Variants in YARS2 observed in about 807,000 individuals in gnomAD.
YARS2 encodes the protein tyrosine--tRNA ligase, mitochondrial.
In YARS2, 38 loss-of-function variants were observed where a neutral mutation model predicts 45.0. The ratio of observed to expected loss-of-function variants is 0.84; its 90% CI spans 0.65 to 1.11. The LOEUF is 1.11. YARS2 is among the 50% of genes least tolerant of loss of function. The pLI is 0.00. For synonymous variants in YARS2, 287 were observed against 245.1 expected, an observed-to-expected ratio of 1.17 and a Z score of -1.60; for missense variants, 602 against 599.8, an observed-to-expected ratio of 1.00 and a Z score of -0.04.
In YARS2 at chr12:32,755,242, G is replaced by A. The variant is rs769652679; in HGVS notation, c.633C>T (p.Pro211=). The change falls in exon 1 of 5, where the codon CCC becomes CCT. Residue 211 remains proline, a synonymous_variant. Transcript: ENST00000324868. ...RQSVQLRLKS[P]EGMSLAEFFY... ...AGAACTCGGCCAAGCTCATGCCCTC[G>A]GGGCTCTTGAGCCGCAGCTGCACGC... 3.8e-5 allele frequency: 62 copies of A among 1,614,032 alleles called. No individual in the cohort carries two copies. The highest frequency in any genetic ancestry group is 5.2e-5 in the Non-Finnish European group (61 of 1,180,038).
Position 32,755,079 on chromosome 12 carries a change from G to T in YARS2, c.779+17C>A. 2 of 1,614,028 alleles carry T rather than the reference G, an allele frequency of 1.2e-6. No homozygotes were observed. Among genetic ancestry groups the T allele is most frequent in the Non-Finnish European group, 1.7e-6 (2 of 1,179,988 alleles). ...TTATTTGGTCCCAGGATTTCCCCAA[G>T]GTTTAAAGGCACTTACTTGTTGATG... On this transcript the variant is annotated intron_variant, in intron 1 of 4. Coordinates refer to ENST00000324868, the MANE Select transcript of YARS2 (RefSeq NM_001040436.3).
At chr12:32,747,929 T>A (rs955199236) in intron 4 of YARS2, among the ~76,000 whole-genome samples, 3 of 152,008 alleles carry the variant, frequency 2.0e-5, no homozygotes, top group African/African-American at 7.3e-5. Context: ...GCACACTGGG[T>A]AGGTGAGGGC....
intron 2 of YARS2, 67 bp downstream of exon 2, chr12:32,753,851 T>C (rs1955793746): frequency 6.3e-7 from 1 of 1,594,618 alleles, no homozygotes; most frequent in Non-Finnish European, 8.6e-7. Context: ...GTACATAGAT[T>C]CAATGGCTAA....
chr12:32,750,735 A>G lies in YARS2; in HGVS notation c.1087T>C (p.Leu363=). 1.9e-6 allele frequency: 3 copies of G among 1,613,994 alleles called. No individual in the cohort carries two copies. Among genetic ancestry groups the G allele is most frequent in the South Asian group, 1.1e-5 (1 of 91,084 alleles). ...VTKLVHGREG[L]DSAKRCTQAL... is the part of the protein sequence containing the mutation. The stretch of plus-strand genomic sequence containing the variant: ...AACTACTACCTTTTAGCAGAATCCA[A>G]TCCTTCTCGTCCATGAACAAGCTTT... The change falls in exon 3 of 5, where the codon TTG becomes CTG. Residue 363 remains leucine (L), a synonymous_variant. Transcript: ENST00000324868.
chr12:32,753,455 A>T (rs1003593448), intron 2 of YARS2, among the ~76,000 whole-genome samples: 1 of 152,144 alleles, frequency 6.6e-6, no homozygotes, highest in Non-Finnish European at 1.5e-5. Context: ...GCATCAAAAT[A>T]TTTTTTTCAC....
At chr12:32,755,068 G>A in intron 1 of YARS2, 28 bp downstream of exon 1, 2 of 1,613,994 alleles carry the variant, frequency 1.2e-6, no homozygotes, top group Non-Finnish European at 1.7e-6. Flanking sequence ...TTGGTCCCAG[G>A]ATTTCCCCAA....
chr12:32,747,155 G>C lies in YARS2; in HGVS notation c.*49C>G, dbSNP rs1342148409. The C allele has an allele frequency of 5.6e-6, 9 of 1,601,018 alleles. No homozygotes were observed. The highest frequency in any genetic ancestry group is 7.7e-6 in the Non-Finnish European group (9 of 1,171,298). On this transcript the variant is annotated 3_prime_UTR_variant, in exon 5 of 5. Coordinates refer to ENST00000324868, the MANE Select transcript of YARS2 (RefSeq NM_001040436.3). ...CTGGAGCCAACCCTTCAGAGGTCTT[G>C]AGAATGAATGATGGGTAAGTTTATT... is the stretch of plus-strand genomic sequence containing the variant.
intron 2 of YARS2, among the ~76,000 whole-genome samples, chr12:32,753,345 G>A (rs1303687994): frequency 6.6e-6 from 1 of 152,114 alleles, no homozygotes; most frequent in East Asian, 1.9e-4. Context: ...ATTTATGTAG[G>A]TCTTTATTTT....
chr12:32,752,588 C>CTACAAAAA (rs1008198036), intron 2 of YARS2, among the ~76,000 whole-genome samples: 1 of 151,584 alleles, frequency 6.6e-6, no homozygotes, highest in Non-Finnish European at 1.5e-5. Flanking sequence ...AACCCTGCCT[C>CTACAAAAA]TACAAAAATA....
At position 32,750,438 on chromosome 12, in the gene YARS2, T is replaced by TG. The variant is rs1955720216; in HGVS notation, c.1103+280dup. Among the ~76,000 whole-genome samples the TG allele has an allele frequency of 2.0e-5, 3 of 152,174 alleles. No individual in the cohort carries two copies. In the South Asian group the frequency reaches 6.2e-4, roughly 31 times the overall value. On this transcript the variant is annotated intron_variant, in intron 3 of 4. Transcript: ENST00000324868. ...GGCTGGTCTCGAACTCCTGACCTCGTGATCAGCCCACCTTGGCCTCCCAAA... is the reference window on the plus strand; with the variant it reads ...GGCTGGTCTCGAACTCCTGACCTCGTGGATCAGCCCACCTTGGCCTCCCAAA...
rs764839309 is a variant in YARS2 at position 32,750,743 on chromosome 12, C to T, written c.1079G>A (p.Arg360Gln). 6 of 1,613,994 alleles carry T rather than the reference C, an allele frequency of 3.7e-6. No homozygotes were observed. Among genetic ancestry groups the T allele is most frequent in the Admixed American group, 1.7e-5 (1 of 60,012 alleles). ...CCTTTTAGCAGAATCCAATCCTTCT[C>T]GTCCATGAACAAGCTTTGTTACTTC... ...AAEVTKLVHG[R>Q]EGLDSAKRCT... Residue 360 changes from arginine (R) to glutamine (Q), a missense_variant, in exon 3 of 5, where the codon CGA becomes CAA. Physicochemically the swap from Arg to Gln is conservative, Grantham distance 43. Coordinates refer to ENST00000324868, the MANE Select transcript of YARS2 (RefSeq NM_001040436.3).
rs774306018 is a variant in YARS2 at position 32,755,217 on chromosome 12, A to T, written c.658T>A (p.Phe220Ile). The T allele has an allele frequency of 6.2e-7, 1 of 1,614,188 alleles. No individual in the cohort carries two copies. Among genetic ancestry groups the T allele is most frequent in the South Asian group, 1.1e-5 (1 of 91,086 alleles). The change falls in exon 1 of 5, where the codon TTT becomes ATT. Residue 220 changes from phenylalanine (F) to isoleucine (I), a missense_variant. Phe to Ile is a conservative substitution (Grantham distance 21). Coordinates refer to ENST00000324868, the MANE Select transcript of YARS2 (RefSeq NM_001040436.3). ...TCATAGGCCTGGAGCACCTGGTAAAAGAACTCGGCCAAGCTCATGCCCTCG... is the reference window on the plus strand; with the variant it reads ...TCATAGGCCTGGAGCACCTGGTAAATGAACTCGGCCAAGCTCATGCCCTCG... ...SPEGMSLAEF[F>I]YQVLQAYDFY... is the part of the protein sequence containing the mutation.
chr12:32,752,740 CAAA>C (rs56907654), intron 2 of YARS2: 3,498 of 193,356 alleles, frequency 0.018, no homozygotes, highest in East Asian at 0.032. Flanking sequence ...GACACTGCCT[CAAA>C]AAAAAAAAAA....
In YARS2 at chr12:32,755,130, C is replaced by T. The variant is rs1955823267; in HGVS notation, c.745G>A (p.Gly249Ser). The T allele has an allele frequency of 1.2e-6, 2 of 1,614,160 alleles. No homozygotes were observed. Among genetic ancestry groups the T allele is most frequent in the Non-Finnish European group, 1.7e-6 (2 of 1,180,028 alleles). Residue 249 changes from glycine (G) to serine (S), a missense_variant, in exon 1 of 5, where the codon GGC becomes AGC. By Grantham distance (56) the Gly-to-Ser change is moderately conservative. Transcript: ENST00000324868. ...AACTCATATCCGGACATGATGTTGC[C>T]TAGTTGATCAGATCCGCCCAGCTGG... ...RVQLGGSDQLGNIMSGYEFIN... is the reference protein window; with the variant it reads ...RVQLGGSDQLSNIMSGYEFIN...
intron 1 of YARS2, among the ~76,000 whole-genome samples, 200 bp downstream of exon 1, chr12:32,754,896 C>G (rs1470380294): frequency 6.6e-6 from 1 of 151,782 alleles, no homozygotes; most frequent in Non-Finnish European, 1.5e-5. Context: ...TAGAATACAC[C>G]GTTTACTCTT....
At chr12:32,752,650 A>G (rs1955766784) in intron 2 of YARS2, 1 of 276,724 alleles carries the variant, frequency 3.6e-6, no homozygotes, top group Admixed American at 4.2e-5. Flanking sequence ...GCTACTCAGG[A>G]GAATCACTTG....
chr12:32,751,101 C>T (rs141943577), intron 2 of YARS2, among the ~76,000 whole-genome samples: 5 of 148,120 alleles, frequency 3.4e-5, no homozygotes, highest in African/African-American at 1.3e-4. Flanking sequence ...GGGGGTCTTG[C>T]TGTTGCCCAG....
chr12:32,748,451 A>C (rs1955681539), intron 4 of YARS2, among the ~76,000 whole-genome samples: 1 of 152,094 alleles, frequency 6.6e-6, no homozygotes, highest in Non-Finnish European at 1.5e-5. Context: ...AAACCTATTT[A>C]GCTTATATAA....
chr12:32,747,026 A>G lies in YARS2; in HGVS notation c.*178T>C. 1.6e-6 allele frequency: 1 copy of G among 607,852 alleles called. No individual in the cohort carries two copies. Among genetic ancestry groups the G allele is most frequent in the Non-Finnish European group, 2.8e-6 (1 of 352,192 alleles). 37.7% of individuals were successfully genotyped at this position (607,852 alleles called of 1,614,324 possible). ...ACATCAGAAAATAAAACATCCCATT[A>G]TTAAACAAATATTTATTAACCGGCC... On this transcript the variant is annotated 3_prime_UTR_variant, in exon 5 of 5. Coordinates refer to ENST00000324868, the MANE Select transcript of YARS2 (RefSeq NM_001040436.3).
Sources: gnomAD v4.1 joint callset for allele counts (sites outside exome capture counted in the v4.1 genomes callset) on GRCh38, gnomAD v4.1.1 for gene constraint, MANE v1.5 for transcripts, NCBI Gene and HGNC (gene_info 2026-07-23, HGNC 2026-07-21) for gene names.